PIGB: variants seen among roughly 807,000 people sequenced by gnomAD.
The protein encoded by PIGB is GPI alpha-1,2-mannosyltransferase 3.
Under a neutral mutation model 68.4 loss-of-function variants are expected in PIGB, and 58 were observed. That is an observed-to-expected ratio of 0.85 (90% CI 0.69 to 1.06). PIGB has a LOEUF of 1.06. Among genes scored for constraint, PIGB ranks in the 50% least tolerant of loss-of-function variants. The pLI is 0.00. For missense variants in PIGB, 634 were observed against 655.8 expected, an observed-to-expected ratio of 0.97 and a Z score of 0.36; for synonymous variants, 219 against 220.5, an observed-to-expected ratio of 0.99 and a Z score of 0.06.
intron 6 of PIGB, among the ~76,000 whole-genome samples, chr15:55,337,919 A>C (rs559574892): frequency 6.6e-6 from 1 of 152,352 alleles, no homozygotes; most frequent in South Asian, 2.1e-4. Context: ...ACATGAGTAC[A>C]TATGGTATGA....
intron 1 of PIGB, chr15:55,319,977 CTAAT>C (rs1283775884): frequency 1.3e-5 from 3 of 238,548 alleles, no homozygotes; most frequent in Non-Finnish European, 2.4e-5. Flanking sequence ...ATAGTATGAC[CTAAT>C]TAATTAGCCT....
chr15:55,353,900 C>T (rs958834240), intron 10 of PIGB, among the ~76,000 whole-genome samples: 10 of 152,000 alleles, frequency 6.6e-5, no homozygotes, highest in African/African-American at 2.4e-5. Flanking sequence ...CCACTGCACC[C>T]GGCCTACTCT....
At chr15:55,338,178 T>C (rs1455536452) in intron 6 of PIGB, among the ~76,000 whole-genome samples, 1 of 152,172 alleles carries the variant, frequency 6.6e-6, no homozygotes, top group Admixed American at 6.5e-5. Flanking sequence ...TTTTTCTGTA[T>C]ATGTGTTTGT....
At chr15:55,350,660 T>C (rs1310430198) in intron 9 of PIGB, 39 bp from the exon 10 acceptor site, 12 of 1,253,662 alleles carry the variant, frequency 9.6e-6, no homozygotes, top group East Asian at 4.6e-5. Flanking sequence ...TAACAAAAGA[T>C]TGTCAGTGTT....
At chr15:55,347,934 C>T (rs1240490747) in intron 9 of PIGB, among the ~76,000 whole-genome samples, 1 of 151,676 alleles carries the variant, frequency 6.6e-6, no homozygotes, top group Non-Finnish European at 1.5e-5. Context: ...CCAAGTATTC[C>T]CATTTTGTGT....
At chr15:55,348,790 A>G (rs2055861014) in intron 9 of PIGB, among the ~76,000 whole-genome samples, 1 of 152,206 alleles carries the variant, frequency 6.6e-6, no homozygotes, top group South Asian at 2.1e-4. Flanking sequence ...ATAGCAGTAC[A>G]AACAAAGACA....
rs746918307 is a variant in PIGB at position 55,320,419 on chromosome 15, T to A, written c.299+9T>A. On this transcript the variant is annotated intron_variant, in intron 2 of 11. Transcript: ENST00000164305. Reference sequence around the variant, plus strand: ...CATCACATGGTTTTCAAATATCCTTTGTGGTTTCTTTTCCAGACTATGAGT... The same window carrying A: ...CATCACATGGTTTTCAAATATCCTTAGTGGTTTCTTTTCCAGACTATGAGT... 2 of 1,611,678 alleles carry A rather than the reference T, an allele frequency of 1.2e-6. No homozygotes were observed. The highest frequency in any genetic ancestry group is 4.5e-5 in the East Asian group (2 of 44,860).
Position 55,350,723 on chromosome 15 carries a change from C to T in PIGB, c.1148C>T (p.Thr383Ile). 6.2e-7 allele frequency: 1 copy of T among 1,613,176 alleles called. No individual in the cohort carries two copies. The highest frequency in any genetic ancestry group is 8.5e-7 in the Non-Finnish European group (1 of 1,179,296). The change falls in exon 10 of 12, where the codon ACA becomes ATA. Residue 383 changes from threonine to isoleucine, a missense_variant. Transcript: ENST00000164305. ...FCGYSLTHLK[T>I]WKKPALSFLF... ...GGATACTCATTAACCCACCTGAAAACATGGAAGAAACCAGCTCTAAGTTTC... is the reference window on the plus strand; with the variant it reads ...GGATACTCATTAACCCACCTGAAAATATGGAAGAAACCAGCTCTAAGTTTC...
At position 55,319,259 on chromosome 15, in the gene PIGB, G is replaced by T. The variant is rs373610042; in HGVS notation, c.9G>T (p.Arg3Ser). Residue 3 changes from arginine to serine, a missense_variant, in exon 1 of 12, where the codon AGG (arginine) becomes AGT (serine). Coordinates refer to ENST00000164305, the MANE Select transcript of PIGB (RefSeq NM_004855.5). ...GAAGGTGGCGGCCAGGGATGAGGAG[G>T]CCCCTAAGCAAGTGCGGAATGGAGC... MR[R>S]PLSKCGMEPG... The T allele has an allele frequency of 1.9e-6, 3 of 1,606,100 alleles. No homozygotes were observed. The highest frequency in any genetic ancestry group is 8.5e-7 in the Non-Finnish European group (1 of 1,176,886).
At position 55,339,304 on chromosome 15, in the gene PIGB, A is replaced by C; in HGVS notation, c.832A>C (p.Ile278Leu). The change falls in exon 7 of 12, where the codon ATT becomes CTT. Residue 278 changes from isoleucine (I) to leucine (L), a missense_variant. Coordinates refer to ENST00000164305, the MANE Select transcript of PIGB (RefSeq NM_004855.5). The part of the protein sequence containing the change: ...TLSLSLMIDR[I>L]FFGQWTLVQF... ...GAGTTTGTCTCTGATGATTGATCGT[A>C]TTTTTTTTGGCCAAGTAAGTAAAAG... 3 of 1,547,704 alleles carry C rather than the reference A, an allele frequency of 1.9e-6. No homozygotes were observed. The highest frequency in any genetic ancestry group is 1.2e-5 in the South Asian group (1 of 83,482).
At chr15:55,349,535 C>T (rs1401204229) in intron 9 of PIGB, 1 of 152,128 alleles carries the variant, frequency 6.6e-6, no homozygotes, top group Non-Finnish European at 1.5e-5. Flanking sequence ...AAGTGATAGG[C>T]TTAGTTTTCT....
intron 3 of PIGB, 61 bp downstream of exon 3, chr15:55,321,451 T>G: frequency 7.0e-7 from 1 of 1,421,934 alleles, no homozygotes; most frequent in Non-Finnish European, 9.6e-7. Context: ...TTTAAAAGGC[T>G]ACTGTTGCTG....
chr15:55,350,699 G>A lies in PIGB; in HGVS notation c.1124G>A (p.Gly375Glu), dbSNP rs1482441399. Residue 375 changes from glycine (G) to glutamate (E), a missense_variant and splice_region_variant, in exon 10 of 12, where the codon GGA becomes GAA. Transcript: ENST00000164305. ...GTTCAATATGTCTATCTTCATATAG[G>A]ATACTCATTAACCCACCTGAAAACA... ...PVLPFCMVFC[G>E]YSLTHLKTWK... The A allele has an allele frequency of 1.3e-6, 2 of 1,599,144 alleles. No homozygotes were observed. The highest frequency in any genetic ancestry group is 1.7e-6 in the Non-Finnish European group (2 of 1,167,034).
intron 4 of PIGB, 63 bp downstream of exon 4, chr15:55,327,698 A>G: frequency 1.1e-6 from 1 of 916,012 alleles, no homozygotes; most frequent in Non-Finnish European, 1.7e-6. Context: ...TATAAAGCAC[A>G]TGGAAACATT....
chr15:55,330,974 T>A (rs1376136351), intron 5 of PIGB, among the ~76,000 whole-genome samples: 1 of 152,202 alleles, frequency 6.6e-6, no homozygotes, highest in African/African-American at 2.4e-5. Context: ...GGAAGAAAAC[T>A]GTAGAATATC....
intron 6 of PIGB, among the ~76,000 whole-genome samples, chr15:55,338,905 A>T (rs1379226859): frequency 6.6e-5 from 10 of 152,194 alleles, no homozygotes; most frequent in South Asian, 4.1e-4. Flanking sequence ...ACAATTCATG[A>T]GCGACCTCGA....
At chr15:55,352,052 G>T (rs1385192646) in intron 10 of PIGB, among the ~76,000 whole-genome samples, 1 of 147,506 alleles carries the variant, frequency 6.8e-6, no homozygotes, top group Non-Finnish European at 1.5e-5. Context: ...GGGTTCAAGC[G>T]ATTCTCCTGC....
rs566421150 is a variant in PIGB at position 55,354,876 on chromosome 15, A to G, written c.1416A>G (p.Glu472=). The G allele has an allele frequency of 1.5e-5, 25 of 1,613,746 alleles. No individual in the cohort carries two copies. The South Asian group carries it at 2.6e-4, about 17-fold the overall frequency. ...DLTGKSHYLD[E]ADVFYLNPLN... ...CTGGAAAAAGTCATTATCTTGATGA[A>G]GCAGATGTATTTTACCTAAATCCCT... Residue 472 remains glutamate, a synonymous_variant, in exon 11 of 12, where the codon GAA becomes GAG. Coordinates refer to ENST00000164305, the MANE Select transcript of PIGB (RefSeq NM_004855.5).
rs376114717 is a variant in PIGB, at chr15:55,350,679, A to G, written c.1124-20A>G. The G allele has an allele frequency of 2.7e-6, 4 of 1,492,404 alleles. No homozygotes were observed. The highest frequency in any genetic ancestry group is 1.4e-5 in the African/African-American group (1 of 72,260). The allele number at this position is 1,492,404 out of a possible 1,614,324, so 92.4% of individuals were successfully genotyped here. The stretch of plus-strand genomic sequence containing the variant: ...AAAAGATTGTCAGTGTTAAGGTTCA[A>G]TATGTCTATCTTCATATAGGATACT... On this transcript the variant is annotated intron_variant, in intron 9 of 11. Transcript: ENST00000164305.
Sources: allele counts gnomAD v4.1 joint callset (sites outside exome capture counted in the v4.1 genomes callset), GRCh38; gene constraint gnomAD v4.1.1; transcripts MANE v1.5; gene names NCBI Gene and HGNC (gene_info 2026-07-23, HGNC 2026-07-21).